The following CSGALNACT1 variants were observed in gnomAD, a reference collection of about 807,000 sequenced individuals.
CSGALNACT1 encodes the protein beta4GalNAcT-1.
Under a neutral mutation model 51.0 loss-of-function variants are expected in CSGALNACT1, and 52 were observed. The observed-to-expected ratio is 1.02, with a 90% CI of 0.82 to 1.29. CSGALNACT1 has a LOEUF of 1.29. Among genes scored for constraint, CSGALNACT1 ranks in the 50% most tolerant of loss-of-function variants. The probability of loss-of-function intolerance (pLI) is 0.00; values close to 1 mark genes in which losing one functional copy is unlikely to be tolerated. For missense variants in CSGALNACT1, 935 were observed against 679.2 expected, an observed-to-expected ratio of 1.38 and a Z score of -4.19; for synonymous variants, 341 against 254.4, an observed-to-expected ratio of 1.34 and a Z score of -3.24.
At chr8:19,502,284 G>C (rs2076553070) in intron 4 of CSGALNACT1, among the ~76,000 whole-genome samples, 1 of 152,202 alleles carries the variant, frequency 6.6e-6, no homozygotes, top group African/African-American at 2.4e-5. Context: ...AGACAAGAGA[G>C]ACCAGAAGGC....
In CSGALNACT1 at chr8:19,753,547, T is replaced by C. The variant is rs111403408; in HGVS notation, c.-297+4303A>G. Among the ~76,000 whole-genome samples, 926 of 152,320 alleles carry C rather than the reference T, an allele frequency of 6.1e-3. 6 individuals carry two copies. The highest frequency in any genetic ancestry group is 0.021 in the African/African-American group (859 of 41,568). ...TTGTGGTTTCGTTGGGTTTTGTCCA[T>C]TTGCTTCTGAGACAAGGTCTTGAGA... On this transcript the variant is annotated intron_variant, in intron 1 of 1. Transcript: ENST00000517494.
intron 1 of CSGALNACT1, among the ~76,000 whole-genome samples, chr8:19,643,490 T>G (rs1256884457): frequency 1.3e-5 from 2 of 152,052 alleles, no homozygotes; most frequent in Non-Finnish European, 2.9e-5. Context: ...TACAAAAAAT[T>G]AGCTGGGTGT....
At chr8:19,580,930 A>G (rs1018041215) in intron 3 of CSGALNACT1, among the ~76,000 whole-genome samples, 16 of 152,354 alleles carry the variant, frequency 1.1e-4, no homozygotes, top group African/African-American at 3.6e-4. Flanking sequence ...AACAGGTGTC[A>G]GCAGAAGAAA....
chr8:19,601,599 C>A (rs886117646), intron 2 of CSGALNACT1, among the ~76,000 whole-genome samples, 172 bp downstream of exon 2: 8 of 152,104 alleles, frequency 5.3e-5, no homozygotes, highest in Non-Finnish European at 8.8e-5. Flanking sequence ...TTCAATGGAG[C>A]CAAGTAATTG....
rs1296245543 is a variant in CSGALNACT1, at chr8:19,446,553, G to A, written c.852-6622C>T. ...CATTCAGTTACTGAGAGAGAGTCTC[G>A]CTCTCTCACCCAGGCAACGGTGCCA... On this transcript the variant is annotated intron_variant, in intron 5 of 9. Transcript: ENST00000454498. 1.1e-4 allele frequency among the ~76,000 whole-genome samples: 16 copies of A among 151,942 alleles called. 1 individual carries two copies. Among genetic ancestry groups the A allele is most frequent in the African/African-American group, 1.9e-4 (8 of 41,334 alleles).
chr8:19,452,321 G>C (rs1168652570), intron 5 of CSGALNACT1, among the ~76,000 whole-genome samples: 2 of 151,926 alleles, frequency 1.3e-5, no homozygotes, highest in African/African-American at 4.8e-5. Context: ...GCAGCAGGAA[G>C]AGCCACAGCA....
Position 19,701,159 on chromosome 8 carries a change from T to TTTTTTTTTTTC in CSGALNACT1, c.-297+56690_-297+56691insGAAAAAAAAAA, listed in dbSNP as rs2061852795. Among the ~76,000 whole-genome samples, 3 of 140,552 alleles carry TTTTTTTTTTTC rather than the reference T, an allele frequency of 2.1e-5. 1 individual carries two copies. The South Asian group carries it at 7.4e-4, about 35-fold the overall frequency. The allele number at this position is 140,552 out of a possible 152,430, so 92.2% of individuals were successfully genotyped here. Reference sequence around the variant, plus strand: ...TTCAGTTCATCTATTATCCGTTTTTTTTTTTTTTTTTTTTGATACAGAGTC... The same window carrying TTTTTTTTTTTC: ...TTCAGTTCATCTATTATCCGTTTTTTTTTTTTTTTTCTTTTTTTTTTTTTTGATACAGAGTC... On this transcript the variant is annotated intron_variant, in intron 1 of 1. Coordinates refer to the CSGALNACT1 transcript ENST00000517494.
intron 1 of CSGALNACT1, among the ~76,000 whole-genome samples, chr8:19,736,338 C>T (rs2063971563): frequency 6.6e-6 from 1 of 151,936 alleles, no homozygotes; most frequent in Non-Finnish European, 1.5e-5. Flanking sequence ...ACTGAATGGC[C>T]CACAATAGCC....
intron 3 of CSGALNACT1, among the ~76,000 whole-genome samples, chr8:19,557,470 C>G (rs542678881): frequency 3.9e-5 from 6 of 152,322 alleles, no homozygotes; most frequent in African/African-American, 1.4e-4. Flanking sequence ...CTAAAAGACC[C>G]TGCACCCAGC....
chr8:19,574,075 T>C (rs1160023664), intron 3 of CSGALNACT1, among the ~76,000 whole-genome samples: 1 of 152,202 alleles, frequency 6.6e-6, no homozygotes, highest in African/African-American at 2.4e-5. Context: ...TGCACCATGA[T>C]GCCTGGCTGG....
Position 19,406,071 on chromosome 8 carries a change from T to C in CSGALNACT1, c.1310-2A>G. ...CTTTGATGTCCAGATCAAACCCACC[T>C]GTCGGGACAGAACACACTGTTGAAT... On this transcript the variant is annotated splice_acceptor_variant, in intron 9 of 9. Transcript: ENST00000454498. LOFTEE classifies it high-confidence loss of function. 4 of 1,614,134 alleles carry C rather than the reference T, an allele frequency of 2.5e-6. No individual in the cohort carries two copies. Among genetic ancestry groups the C allele is most frequent in the Non-Finnish European group, 3.4e-6 (4 of 1,180,026 alleles).
At chr8:19,676,292 G>C (rs1564405497) in intron 1 of CSGALNACT1, among the ~76,000 whole-genome samples, 1 of 152,098 alleles carries the variant, frequency 6.6e-6, no homozygotes, top group Non-Finnish European at 1.5e-5. Context: ...GAAGGCTTTA[G>C]AGCAGCTATT....
At chr8:19,418,148 G>A (rs1174048716) in intron 8 of CSGALNACT1, among the ~76,000 whole-genome samples, 10 of 152,186 alleles carry the variant, frequency 6.6e-5, no homozygotes, top group Non-Finnish European at 1.3e-4. Flanking sequence ...ACAGTGGCAT[G>A]ATGGGAAGGG....
At chr8:19,430,180 C>A (rs571475425) in intron 6 of CSGALNACT1, among the ~76,000 whole-genome samples, 1 of 152,110 alleles carries the variant, frequency 6.6e-6, no homozygotes, top group African/African-American at 2.4e-5. Context: ...TTTATGGTAG[C>A]ACAAAAGTTT....
intron 1 of CSGALNACT1, among the ~76,000 whole-genome samples, chr8:19,694,727 T>C (rs547853508): frequency 1.4e-4 from 22 of 152,350 alleles, no homozygotes; most frequent in African/African-American, 4.8e-4. Context: ...TGAGCCCTTC[T>C]TTAGTTGCTC....
chr8:19,656,827 G>T (rs1259546819), intron 1 of CSGALNACT1, among the ~76,000 whole-genome samples: 2 of 152,074 alleles, frequency 1.3e-5, no homozygotes, highest in Non-Finnish European at 2.9e-5. Flanking sequence ...CAGCACTTTG[G>T]GAGGCCAAGG....
chr8:19,454,662 C>A (rs1436447078), intron 5 of CSGALNACT1, among the ~76,000 whole-genome samples: 1 of 152,076 alleles, frequency 6.6e-6, no homozygotes, highest in African/African-American at 2.4e-5. Flanking sequence ...CAGTGAGACT[C>A]TGTCTCAAAA....
At chr8:19,600,902 G>T (rs888167214) in intron 2 of CSGALNACT1, among the ~76,000 whole-genome samples, 3 of 151,110 alleles carry the variant, frequency 2.0e-5, no homozygotes, top group African/African-American at 7.3e-5. Context: ...AGGTGAAGGG[G>T]GCTTTCTGAA....
chr8:19,557,040 A>T lies in CSGALNACT1; in HGVS notation c.-297+34120T>A, dbSNP rs79912333. On this transcript the variant is annotated intron_variant, in intron 3 of 9. Transcript: ENST00000454498. ...GAACATCCTTCAGAGAAGAAAAGCA[A>T]AATTCAATCTTGGGAACATATTCTA... 6.5e-3 allele frequency among the ~76,000 whole-genome samples: 995 copies of T among 152,262 alleles called. 10 individuals are homozygous for T. The highest frequency in any genetic ancestry group is 0.023 in the African/African-American group (964 of 41,536).
Sources: gnomAD v4.1 joint callset for allele counts (sites outside exome capture counted in the v4.1 genomes callset) on GRCh38, gnomAD v4.1.1 for gene constraint, MANE v1.5 for transcripts, NCBI Gene and HGNC (gene_info 2026-07-23, HGNC 2026-07-21) for gene names.